PPP2R2B: variants seen among roughly 807,000 people sequenced by gnomAD.
The protein encoded by PPP2R2B is serine/threonine-protein phosphatase 2A 55 kDa regulatory subunit B beta isoform.
Under a neutral mutation model 46.0 loss-of-function variants are expected in PPP2R2B, and 5 were observed. That is an observed-to-expected ratio of 0.11 (90% CI 0.06 to 0.23). PPP2R2B has a LOEUF of 0.23. PPP2R2B is among the 10% of genes least tolerant of loss of function. The probability of loss-of-function intolerance (pLI) is 1.00; values close to 1 mark genes in which losing one functional copy is unlikely to be tolerated. For synonymous variants in PPP2R2B, 215 were observed against 206.7 expected (o/e 1.04, Z -0.34); for missense variants, 367 against 575.0 (o/e 0.64, Z 3.70).
At chr5:147,011,890 G>A (rs1188841272) in intron 1 of PPP2R2B, among the ~76,000 whole-genome samples, 1 of 107,206 alleles carries the variant, frequency 9.3e-6, no homozygotes, top group African/African-American at 3.2e-5. Context: ...TTATTGATTT[G>A]CGTATATTGA....
chr5:146,627,052 G>C (rs749694215), intron 7 of PPP2R2B, among the ~76,000 whole-genome samples: 18 of 152,122 alleles, frequency 1.2e-4, no homozygotes, highest in South Asian at 2.1e-4. Flanking sequence ...GAATGGGATA[G>C]AGCAGCTTCA....
At chr5:146,784,006 A>C (rs1755691206) in intron 2 of PPP2R2B, among the ~76,000 whole-genome samples, 1 of 152,216 alleles carries the variant, frequency 6.6e-6, no homozygotes, top group Non-Finnish European at 1.5e-5. Context: ...AAAACTTGGC[A>C]CACAAAGGAA....
intron 1 of PPP2R2B, among the ~76,000 whole-genome samples, chr5:146,999,096 T>G (rs752543053): frequency 2.6e-4 from 40 of 152,056 alleles, no homozygotes; most frequent in Non-Finnish European, 2.2e-4. Flanking sequence ...TATATAATTG[T>G]TTATTTGGCT....
At chr5:146,965,681 G>A (rs1203750405) in intron 1 of PPP2R2B, among the ~76,000 whole-genome samples, 3 of 152,180 alleles carry the variant, frequency 2.0e-5, no homozygotes, top group Admixed American at 2.0e-4. Flanking sequence ...CCATTTGGTA[G>A]TATGAATGCT....
intron 2 of PPP2R2B, among the ~76,000 whole-genome samples, chr5:146,849,865 G>T (rs2125443): frequency 1.3e-5 from 2 of 151,864 alleles, no homozygotes; most frequent in Non-Finnish European, 2.9e-5. Flanking sequence ...ATACATCCTC[G>T]AAGTTCCTGA....
chr5:146,712,575 T>C (rs1197325580), intron 2 of PPP2R2B, among the ~76,000 whole-genome samples: 1 of 152,226 alleles, frequency 6.6e-6, no homozygotes, highest in Non-Finnish European at 1.5e-5. Context: ...TGAATAATAT[T>C]AAAACTAGAA....
chr5:146,899,384 A>T (rs1425436233), intron 1 of PPP2R2B, among the ~76,000 whole-genome samples: 1 of 148,030 alleles, frequency 6.8e-6, no homozygotes, highest in African/African-American at 2.5e-5. Context: ...ACAAAAAACC[A>T]AACACCGCAT....
intron 2 of PPP2R2B, among the ~76,000 whole-genome samples, chr5:147,068,555 G>T (rs1176254093): frequency 1.3e-5 from 2 of 152,094 alleles, no homozygotes. Flanking sequence ...TTAGTTTCAT[G>T]AATTTGGTTT....
chr5:146,877,769 G>T (rs1183625892), intron 2 of PPP2R2B, among the ~76,000 whole-genome samples: 1 of 152,152 alleles, frequency 6.6e-6, no homozygotes, highest in Non-Finnish European at 1.5e-5. Context: ...AATCCCTGAG[G>T]GCCATTTTAA....
chr5:146,731,995 C>G (rs1752260758), intron 2 of PPP2R2B, among the ~76,000 whole-genome samples: 1 of 152,050 alleles, frequency 6.6e-6, no homozygotes, highest in African/African-American at 2.4e-5. Flanking sequence ...AGATAAGGTC[C>G]AGGAACTTTT....
At chr5:146,854,555 C>T (rs1187551821) in intron 2 of PPP2R2B, among the ~76,000 whole-genome samples, 1 of 152,056 alleles carries the variant, frequency 6.6e-6, no homozygotes, top group Non-Finnish European at 1.5e-5. Flanking sequence ...ACCCATTGAC[C>T]AACCTCTTTT....
intron 2 of PPP2R2B, among the ~76,000 whole-genome samples, chr5:146,723,086 TTCC>T (rs1044212523): frequency 6.6e-6 from 1 of 152,210 alleles, no homozygotes; most frequent in Non-Finnish European, 1.5e-5. Flanking sequence ...CAATGTATAT[TTCC>T]TCCTATTATA....
At chr5:146,931,466 C>T (rs781089909) in intron 1 of PPP2R2B, among the ~76,000 whole-genome samples, 1 of 152,098 alleles carries the variant, frequency 6.6e-6, no homozygotes, top group East Asian at 1.9e-4. Context: ...ATCAACTTAA[C>T]CCCAGTCAAG....
At chr5:146,897,505 T>C (rs1249227351) in intron 1 of PPP2R2B, among the ~76,000 whole-genome samples, 1 of 152,228 alleles carries the variant, frequency 6.6e-6, no homozygotes, top group African/African-American at 2.4e-5. Flanking sequence ...CTACTCACTG[T>C]ATAATGAAAC....
intron 2 of PPP2R2B, among the ~76,000 whole-genome samples, chr5:146,742,699 A>G (rs1321565118): frequency 6.6e-6 from 1 of 152,184 alleles, no homozygotes; most frequent in Non-Finnish European, 1.5e-5. Context: ...TGAAGTTTTA[A>G]CCCCCAATAT....
intron 1 of PPP2R2B, among the ~76,000 whole-genome samples, chr5:147,033,040 A>G (rs1396340738): frequency 6.6e-6 from 1 of 152,092 alleles, no homozygotes; most frequent in Non-Finnish European, 1.5e-5. Context: ...CTGTTTTCTG[A>G]TTTTTTGAAA....
chr5:146,813,670 A>G (rs1250974029), intron 2 of PPP2R2B, among the ~76,000 whole-genome samples: 3 of 152,128 alleles, frequency 2.0e-5, no homozygotes, highest in Non-Finnish European at 4.4e-5. Flanking sequence ...GAAACCTTCT[A>G]TTTTCCACTG....
upstream of PPP2R2B, among the ~76,000 whole-genome samples, chr5:147,060,542 C>G (rs1021101632): frequency 6.6e-6 from 1 of 152,104 alleles, no homozygotes; most frequent in African/African-American, 2.4e-5. Flanking sequence ...GCAGGAGGAT[C>G]ACTTGAGCCT....
In PPP2R2B at chr5:146,750,742, G is replaced by A. The variant is rs114231002; in HGVS notation, c.71-49600C>T. On this transcript the variant is annotated intron_variant, in intron 2 of 9. Transcript: ENST00000394411. ...AAGAACATGGGCACAGCATTGCTAT[G>A]GCTTATATATTTTCAACATAAGCCA... 1.8e-3 allele frequency among the ~76,000 whole-genome samples: 281 copies of A among 152,236 alleles called. 1 individual carries two copies. Among genetic ancestry groups the A allele is most frequent in the African/African-American group, 6.4e-3 (267 of 41,542 alleles).
Sources: allele counts gnomAD v4.1 joint callset (sites outside exome capture counted in the v4.1 genomes callset), GRCh38; gene constraint gnomAD v4.1.1; transcripts MANE v1.5; gene names NCBI Gene and HGNC (gene_info 2026-07-23, HGNC 2026-07-21).